PHACTR2: variants seen among roughly 807,000 people sequenced by gnomAD.
PHACTR2 encodes phosphatase and actin regulator 2, also known as chromosome 6 open reading frame 56.
In PHACTR2, 30 loss-of-function variants were observed where a neutral mutation model predicts 76.0. The observed-to-expected ratio is 0.39, with a 90% CI of 0.30 to 0.54. PHACTR2 has a LOEUF of 0.54. Ranked by LOEUF, PHACTR2 falls within the 20% of genes least tolerant of loss-of-function variation. The probability of loss-of-function intolerance (pLI) is 0.61; values close to 1 mark genes in which losing one functional copy is unlikely to be tolerated. For synonymous variants in PHACTR2, 292 were observed against 292.5 expected, an observed-to-expected ratio of 1.00 and a Z score of 0.02; for missense variants, 696 against 781.1, an observed-to-expected ratio of 0.89 and a Z score of 1.30.
chr6:143,670,820 C>T (rs1236742529), intron 1 of PHACTR2, among the ~76,000 whole-genome samples: 5 of 152,088 alleles, frequency 3.3e-5, no homozygotes, highest in African/African-American at 1.2e-4. Flanking sequence ...GTTTATTACC[C>T]ACCTTTTGAA....
intron 6 of PHACTR2, among the ~76,000 whole-genome samples, chr6:143,771,176 ATATATATATATATGTGTG>A (rs1562300763): frequency 7.8e-4 from 15 of 19,112 alleles, no homozygotes; most frequent in South Asian, 3.0e-3. Context: ...ATATATATGT[ATATATATATATATGTGTG>A]TATATATATA....
In PHACTR2 at chr6:143,596,260, C is replaced by A. The variant is rs148907257; in HGVS notation, c.217+59053C>A. 2.2e-3 allele frequency among the ~76,000 whole-genome samples: 331 copies of A among 152,178 alleles called. 1 individual carries two copies. Among genetic ancestry groups the A allele is most frequent in the African/African-American group, 7.5e-3 (312 of 41,502 alleles). On this transcript the variant is annotated intron_variant, in intron 1 of 11. Coordinates refer to the PHACTR2 transcript ENST00000367584. The surrounding 1 kb of genome is among the most constrained non-coding windows in gnomAD (Gnocchi z 4.6). Reference sequence around the variant, plus strand: ...GAGTCCCTTTATTCCTCTAGGTCTTCATTTGGTGTCTTTTTAGCGTATGTT... The same window carrying A: ...GAGTCCCTTTATTCCTCTAGGTCTTAATTTGGTGTCTTTTTAGCGTATGTT...
In PHACTR2 at chr6:143,562,440, G is replaced by T. The variant is rs944658807; in HGVS notation, c.217+25233G>T. ...TTACTTTTAAGTGACCAGGTCTCACGAGAACTCACTCACTATTGCAAAGAC... is the reference window on the plus strand; with the variant it reads ...TTACTTTTAAGTGACCAGGTCTCACTAGAACTCACTCACTATTGCAAAGAC... On this transcript the variant is annotated intron_variant, in intron 1 of 11. Transcript: ENST00000367584. This position sits in a 1 kb window ranked among gnomAD's most constrained non-coding sequence, Gnocchi z 5.1. 2.0e-5 allele frequency among the ~76,000 whole-genome samples: 3 copies of T among 152,074 alleles called. No individual in the cohort carries two copies. Among genetic ancestry groups the T allele is most frequent in the Non-Finnish European group, 4.4e-5 (3 of 68,012 alleles).
chr6:143,748,492 G>A (rs1194604282), intron 2 of PHACTR2, among the ~76,000 whole-genome samples: 1 of 152,132 alleles, frequency 6.6e-6, no homozygotes, highest in Admixed American at 6.6e-5. Context: ...TGATGTGTTG[G>A]GCTTTTGTAA....
chr6:143,576,953 G>A (rs1359224335), intron 1 of PHACTR2, among the ~76,000 whole-genome samples: 1 of 150,074 alleles, frequency 6.7e-6, no homozygotes, highest in African/African-American at 2.5e-5. Flanking sequence ...TGTATTATAG[G>A]TATATACTAC....
At chr6:143,594,696 C>G (rs1192592401) in intron 1 of PHACTR2, among the ~76,000 whole-genome samples, 1 of 152,248 alleles carries the variant, frequency 6.6e-6, no homozygotes, top group Non-Finnish European at 1.5e-5. Flanking sequence ...AGGCTTCTGC[C>G]TCAGTGCTGG....
rs1777328315 is a variant in PHACTR2, at chr6:143,679,216, C to T, written c.46+1007C>T. Reference sequence around the variant, plus strand: ...GCATTCTGTCATTCCAACCCCCCACCCCACTTTATACCCAGTGGGTTTCTT... The same window carrying T: ...GCATTCTGTCATTCCAACCCCCCACTCCACTTTATACCCAGTGGGTTTCTT... On this transcript the variant is annotated intron_variant, in intron 1 of 12. Coordinates refer to ENST00000440869, the MANE Select transcript of PHACTR2 (RefSeq NM_001100164.2). The surrounding 1 kb of genome is among the most constrained non-coding windows in gnomAD (Gnocchi z 4.6). Among the ~76,000 whole-genome samples the T allele has an allele frequency of 6.6e-6, 1 of 152,082 alleles. No homozygotes were observed. The highest frequency in any genetic ancestry group is 2.1e-4 in the South Asian group (1 of 4,828).
intron 1 of PHACTR2, among the ~76,000 whole-genome samples, chr6:143,588,516 A>AG (rs1775652826): frequency 6.6e-6 from 1 of 152,210 alleles, no homozygotes; most frequent in African/African-American, 2.4e-5. Context: ...GGTCTTGCAG[A>AG]GCAGAGTTTG....
chr6:143,597,069 C>G lies in PHACTR2; in HGVS notation c.217+59862C>G, dbSNP rs1775762976. Among the ~76,000 whole-genome samples, 1 of 152,212 alleles carries G rather than the reference C, an allele frequency of 6.6e-6. No individual in the cohort carries two copies. Among genetic ancestry groups the G allele is most frequent in the Non-Finnish European group, 1.5e-5 (1 of 68,042 alleles). On this transcript the variant is annotated intron_variant, in intron 1 of 11. Coordinates refer to the PHACTR2 transcript ENST00000367584. The surrounding 1 kb of genome is among the most constrained non-coding windows in gnomAD (Gnocchi z 5.7). ...CACATCAAGGTCACATTCTTCTGCT[C>G]TATACTCTGGATCTTTCTACACTTG...
chr6:143,761,334 G>A lies in PHACTR2; in HGVS notation c.694+694G>A, dbSNP rs575094276. 6.6e-6 allele frequency among the ~76,000 whole-genome samples: 1 copy of A among 152,328 alleles called. No individual in the cohort carries two copies. Among genetic ancestry groups the A allele is most frequent in the South Asian group, 2.1e-4 (1 of 4,826 alleles). On this transcript the variant is annotated intron_variant, in intron 5 of 12. Coordinates refer to ENST00000440869, the MANE Select transcript of PHACTR2 (RefSeq NM_001100164.2). This position sits in a 1 kb window ranked among gnomAD's most constrained non-coding sequence, Gnocchi z 5.2. ...TCACCAGTGGATGTTTGAGTGACCTGCAATAACTCATGCAATATGTATCCA... is the reference window on the plus strand; with the variant it reads ...TCACCAGTGGATGTTTGAGTGACCTACAATAACTCATGCAATATGTATCCA...
intron 1 of PHACTR2, among the ~76,000 whole-genome samples, chr6:143,601,951 G>C (rs890858268): frequency 5.3e-5 from 8 of 152,014 alleles, no homozygotes; most frequent in African/African-American, 1.7e-4. Flanking sequence ...CTGATATTTT[G>C]ATGCAATCAT....
Position 143,652,322 on chromosome 6 carries a change from T to C in PHACTR2, c.13+44000T>C, listed in dbSNP as rs191184738. ...TAAGTGTACAATCCCCAATAAAATA[T>C]TTTGAAGTTTTTCCAAAGAAAAGAA... On this transcript the variant is annotated intron_variant, in intron 1 of 11. Coordinates refer to the PHACTR2 transcript ENST00000305766. This position sits in a 1 kb window ranked among gnomAD's most constrained non-coding sequence, Gnocchi z 4.5. Among the ~76,000 whole-genome samples, 2 of 152,200 alleles carry C rather than the reference T, an allele frequency of 1.3e-5. No individual in the cohort carries two copies. Among genetic ancestry groups the C allele is most frequent in the African/African-American group, 2.4e-5 (1 of 41,440 alleles).
At position 143,578,996 on chromosome 6, in the gene PHACTR2, C is replaced by T. The variant is rs549522104; in HGVS notation, c.217+41789C>T. 2.6e-5 allele frequency among the ~76,000 whole-genome samples: 4 copies of T among 152,146 alleles called. No individual in the cohort carries two copies. Among genetic ancestry groups the T allele is most frequent in the African/African-American group, 7.2e-5 (3 of 41,506 alleles). ...ACAGCTCACTGCAACCTCCGTCTCC[C>T]GGGTTCAAGCCATCCTCCTGCCTCA... On this transcript the variant is annotated intron_variant, in intron 1 of 11. Transcript: ENST00000367584. This position sits in a 1 kb window ranked among gnomAD's most constrained non-coding sequence, Gnocchi z 4.5.
At chr6:143,805,479 CAAAAAAAAAAAA>C (rs746027973) in intron 11 of PHACTR2, among the ~76,000 whole-genome samples, 2 of 95,196 alleles carry the variant, frequency 2.1e-5, no homozygotes, top group Admixed American at 2.3e-4. Flanking sequence ...AACTCCGTCT[CAAAAAAAAAAAA>C]AAAAAAAAAC....
chr6:143,797,344 CT>C (rs879358389), intron 11 of PHACTR2, among the ~76,000 whole-genome samples: 1 of 152,056 alleles, frequency 6.6e-6, no homozygotes, highest in Non-Finnish European at 1.5e-5. Context: ...CAAAAATTTT[CT>C]CCCATTCTGT....
At chr6:143,605,816 T>A (rs1413744938), upstream of PHACTR2, among the ~76,000 whole-genome samples, 1 of 152,244 alleles carries the variant, frequency 6.6e-6, no homozygotes, top group Non-Finnish European at 1.5e-5. This position sits in a 1 kb window ranked among gnomAD's most constrained non-coding sequence, Gnocchi z 5.0. Flanking sequence ...TAAGAATTAT[T>A]TTCTGCCATT....
At chr6:143,725,770 G>A (rs979974773) in intron 2 of PHACTR2, among the ~76,000 whole-genome samples, 1 of 150,600 alleles carries the variant, frequency 6.6e-6, no homozygotes, top group Admixed American at 6.6e-5. Flanking sequence ...AGCTTGCAGT[G>A]AGCCGAGACT....
chr6:143,546,610 T>C lies in PHACTR2; in HGVS notation c.217+9403T>C, dbSNP rs545026714. The stretch of plus-strand genomic sequence containing the variant: ...TAATTTCTATTAAATAATCTTCAAG[T>C]AGCCTAAATATCAAGAACAAACATA... On this transcript the variant is annotated intron_variant, in intron 1 of 11. Transcript: ENST00000367584. This position sits in a 1 kb window ranked among gnomAD's most constrained non-coding sequence, Gnocchi z 4.9. Among the ~76,000 whole-genome samples, 9 of 152,316 alleles carry C rather than the reference T, an allele frequency of 5.9e-5. No homozygotes were observed. Among genetic ancestry groups the C allele is most frequent in the South Asian group, 2.1e-4 (1 of 4,832 alleles).
intron 11 of PHACTR2, among the ~76,000 whole-genome samples, chr6:143,804,415 C>T (rs1357197266): frequency 3.3e-5 from 5 of 152,120 alleles, no homozygotes; most frequent in East Asian, 1.9e-4. Context: ...CAGACTGGCA[C>T]GTATCACCTC....
Sources: gnomAD v4.1 joint callset for allele counts (sites outside exome capture counted in the v4.1 genomes callset) on GRCh38, gnomAD v4.1.1 for gene constraint, Gnocchi (gnomAD v3.1) non-coding constraint, MANE v1.5 for transcripts, NCBI Gene and HGNC (gene_info 2026-07-23, HGNC 2026-07-21) for gene names.